GRIK4: variants seen among roughly 807,000 people sequenced by gnomAD.
GRIK4 encodes the protein glutamate ionotropic receptor kainate type subunit 4.
In GRIK4, 40 loss-of-function variants were observed where a neutral mutation model predicts 104.9. That is an observed-to-expected ratio of 0.38 (90% CI 0.30 to 0.50). The LOEUF (loss-of-function observed/expected upper bound fraction) is 0.50, where lower values mean the gene tolerates loss of function less well. Among genes scored for constraint, GRIK4 ranks in the 20% least tolerant of loss-of-function variants. GRIK4 has a pLI of 0.93. For missense variants in GRIK4, 1,047 were observed against 1,308.1 expected (o/e 0.80, Z 3.08); for synonymous variants, 485 against 524.9 (o/e 0.92, Z 1.04).
intron 3 of GRIK4, among the ~76,000 whole-genome samples, chr11:120,672,582 G>A (rs958463545): frequency 5.3e-5 from 8 of 152,090 alleles, no homozygotes; most frequent in African/African-American, 1.7e-4. Context: ...ATGTTTTTCC[G>A]TTTGTGTCCT....
intron 1 of GRIK4, chr11:120,620,303 A>T: frequency 1.5e-6 from 1 of 683,260 alleles, no homozygotes; most frequent in Non-Finnish European, 2.7e-6. Flanking sequence ...TTGCTTCCTC[A>T]GGAACTTTAG....
At chr11:120,877,568 CT>C (rs1954853623) in intron 11 of GRIK4, among the ~76,000 whole-genome samples, 1 of 152,182 alleles carries the variant, frequency 6.6e-6, no homozygotes, top group Admixed American at 6.5e-5. Flanking sequence ...TTCAAGACAT[CT>C]TTGTTGATTG....
Position 120,526,785 on chromosome 11 carries a change from G to A in GRIK4, c.-159+14898G>A, listed in dbSNP as rs559075427. ...AGGCGGAGGTTGCAGTGAGCCAGAG[G>A]TTGCAGTGAGCCAAGATTGCACCAT... On this transcript the variant is annotated intron_variant, in intron 1 of 20. Coordinates refer to ENST00000527524, the MANE Select transcript of GRIK4 (RefSeq NM_014619.5). 5.5e-4 allele frequency among the ~76,000 whole-genome samples: 83 copies of A among 152,228 alleles called. 1 individual carries two copies. The highest frequency in any genetic ancestry group is 1.9e-3 in the African/African-American group (78 of 41,520).
intron 1 of GRIK4, among the ~76,000 whole-genome samples, chr11:120,537,084 G>A (rs1947985386): frequency 6.6e-6 from 1 of 152,178 alleles, no homozygotes; most frequent in African/African-American, 2.4e-5. Context: ...AGAGGGCAAG[G>A]GAGCCGAGAC....
intron 12 of GRIK4, among the ~76,000 whole-genome samples, chr11:120,904,550 G>C (rs377654225): frequency 3.9e-5 from 6 of 152,288 alleles, no homozygotes; most frequent in African/African-American, 1.4e-4. Flanking sequence ...TAAAACGCTT[G>C]ATGCTTCCCC....
intron 4 of GRIK4, among the ~76,000 whole-genome samples, chr11:120,805,848 GA>G (rs776447581): frequency 1.3e-5 from 2 of 152,174 alleles, no homozygotes; most frequent in African/African-American, 2.4e-5. Flanking sequence ...GGAGGAGGGG[GA>G]CAGGATCTCT....
chr11:120,886,093 T>C (rs932141597), intron 11 of GRIK4, among the ~76,000 whole-genome samples: 12 of 152,222 alleles, frequency 7.9e-5, no homozygotes. Context: ...GATTCCATGT[T>C]TGCAAATTCA....
At chr11:120,709,717 C>T (rs1950692129) in intron 3 of GRIK4, among the ~76,000 whole-genome samples, 1 of 152,160 alleles carries the variant, frequency 6.6e-6, no homozygotes, top group Non-Finnish European at 1.5e-5. Context: ...CAGCTGTTCA[C>T]CCAGTTCCCA....
intron 13 of GRIK4, among the ~76,000 whole-genome samples, chr11:120,927,738 G>T (rs1165440379): frequency 3.3e-5 from 5 of 152,116 alleles, no homozygotes; most frequent in African/African-American, 1.2e-4. Context: ...TATTAATTTA[G>T]TGTTGCTGTT....
intron 3 of GRIK4, among the ~76,000 whole-genome samples, chr11:120,794,042 T>C (rs1047391552): frequency 1.0e-4 from 10 of 98,342 alleles, no homozygotes; most frequent in African/African-American, 4.1e-4. Flanking sequence ...TGGTTAGAGG[T>C]GAGGGGCAGT....
At chr11:120,674,670 A>G (rs1003085876) in intron 3 of GRIK4, among the ~76,000 whole-genome samples, 5 of 152,244 alleles carry the variant, frequency 3.3e-5, no homozygotes, top group African/African-American at 4.8e-5. Flanking sequence ...AGCAACAGTT[A>G]TAAATTTCCC....
rs1460743958 is a variant in GRIK4 at position 120,524,659 on chromosome 11, T to A, written c.-159+12772T>A. Among the ~76,000 whole-genome samples, 5 of 152,168 alleles carry A rather than the reference T, an allele frequency of 3.3e-5. No individual in the cohort carries two copies. The highest frequency in any genetic ancestry group is 7.3e-5 in the Non-Finnish European group (5 of 68,030). Reference sequence around the variant, plus strand: ...TGGCGTTTGGGCTGACAGCGCTAACTTCTGGATCAGGCTGTGGGCACTGCA... The same window carrying A: ...TGGCGTTTGGGCTGACAGCGCTAACATCTGGATCAGGCTGTGGGCACTGCA... On this transcript the variant is annotated intron_variant, in intron 1 of 20. Transcript: ENST00000527524. This position sits in a 1 kb window ranked among gnomAD's most constrained non-coding sequence, Gnocchi z 4.5.
At chr11:120,782,459 G>C (rs992479585) in intron 3 of GRIK4, among the ~76,000 whole-genome samples, 1 of 152,054 alleles carries the variant, frequency 6.6e-6, no homozygotes, top group Non-Finnish European at 1.5e-5. Context: ...CTAATTTTTT[G>C]TATTTTTAGT....
At chr11:120,876,255 TACC>T (rs1447776877) in intron 11 of GRIK4, among the ~76,000 whole-genome samples, 2 of 89,584 alleles carry the variant, frequency 2.2e-5, no homozygotes, top group Non-Finnish European at 4.7e-5. Flanking sequence ...CCACCACCAT[TACC>T]ACCACCATCA....
At chr11:120,640,245 C>G (rs918348942) in intron 1 of GRIK4, among the ~76,000 whole-genome samples, 4 of 152,196 alleles carry the variant, frequency 2.6e-5, no homozygotes, top group Admixed American at 1.3e-4. Context: ...ATAGTAGTAA[C>G]AGGGGTCATT....
chr11:120,704,839 G>A (rs889099610), intron 3 of GRIK4, among the ~76,000 whole-genome samples: 8 of 151,786 alleles, frequency 5.3e-5, no homozygotes, highest in Non-Finnish European at 1.0e-4. Context: ...CTCAAATGGA[G>A]TCACAAACAA....
At chr11:120,682,990 G>A (rs1248013620) in intron 3 of GRIK4, among the ~76,000 whole-genome samples, 1 of 151,898 alleles carries the variant, frequency 6.6e-6, no homozygotes, top group African/African-American at 2.4e-5. Flanking sequence ...CCCTGATACT[G>A]CTCCCCCTCT....
intron 3 of GRIK4, among the ~76,000 whole-genome samples, chr11:120,746,849 C>T (rs1481192259): frequency 1.3e-5 from 2 of 152,166 alleles, no homozygotes; most frequent in African/African-American, 4.8e-5. Context: ...TGAATGAATG[C>T]AGTCACTACC....
At chr11:120,566,680 G>T (rs575840729) in intron 1 of GRIK4, among the ~76,000 whole-genome samples, 1 of 151,502 alleles carries the variant, frequency 6.6e-6, no homozygotes, top group Non-Finnish European at 1.5e-5. Context: ...CATATCACAA[G>T]ATTTTTTTTC....
Sources: allele counts gnomAD v4.1 joint callset (sites outside exome capture counted in the v4.1 genomes callset), GRCh38; gene constraint gnomAD v4.1.1; non-coding constraint Gnocchi (gnomAD v3.1); transcripts MANE v1.5; gene names NCBI Gene and HGNC (gene_info 2026-07-23, HGNC 2026-07-21).